Variants in MGAT4C observed in about 807,000 individuals in gnomAD.
MGAT4C encodes MGAT4 family member C, also known as alpha-1,3-mannosyl-glycoprotein 4-beta-N-acetylglucosaminyltransferase C.
A neutral mutation model predicts 40.1 loss-of-function variants in MGAT4C; 19 were observed. The observed-to-expected ratio is 0.47, with a 90% CI of 0.33 to 0.70. MGAT4C has a LOEUF of 0.70. MGAT4C is among the 30% of genes least tolerant of loss of function. The pLI, the probability that MGAT4C is intolerant of heterozygous loss-of-function variation, is 0.02. For missense variants in MGAT4C, 491 were observed against 563.2 expected, an observed-to-expected ratio of 0.87 and a Z score of 1.30; for synonymous variants, 181 against 187.1, an observed-to-expected ratio of 0.97 and a Z score of 0.27.
At chr12:86,663,216 T>C (rs1444802904) in intron 2 of MGAT4C, among the ~76,000 whole-genome samples, 1 of 151,702 alleles carries the variant, frequency 6.6e-6, no homozygotes, top group Non-Finnish European at 1.5e-5. Context: ...AAAAATTAGT[T>C]GGACACAGTA....
rs1409378910 is a variant in MGAT4C at position 86,464,684 on chromosome 12, TTTG to T, written c.-228-29422_-228-29420del. Among the ~76,000 whole-genome samples, 3 of 152,172 alleles carry T rather than the reference TTTG, an allele frequency of 2.0e-5. 1 individual carries two copies. The highest frequency in any genetic ancestry group is 7.2e-5 in the African/African-American group (3 of 41,468). Reference sequence around the variant, plus strand: ...CATTTCTTTACAAATAAGCATTTATTTTGTTTATTCAATTAGATCTTTTACAAA... The same window carrying T: ...CATTTCTTTACAAATAAGCATTTATTTTTATTCAATTAGATCTTTTACAAA... On this transcript the variant is annotated intron_variant, in intron 2 of 7. Transcript: ENST00000548651.
At chr12:86,338,969 A>AAC (rs1209040898) in intron 3 of MGAT4C, among the ~76,000 whole-genome samples, 1 of 150,956 alleles carries the variant, frequency 6.6e-6, no homozygotes, top group African/African-American at 2.4e-5. Flanking sequence ...AAAAAAAAAA[A>AAC]AAAAAAAAAA....
At chr12:86,745,470 C>T (rs768724903) in intron 1 of MGAT4C, among the ~76,000 whole-genome samples, 16 of 151,588 alleles carry the variant, frequency 1.1e-4, no homozygotes, top group South Asian at 2.1e-4. Context: ...ACTTCTTATT[C>T]TGGAGTCCAA....
intron 2 of MGAT4C, among the ~76,000 whole-genome samples, chr12:86,466,021 C>A (rs1483645795): frequency 1.3e-5 from 2 of 151,982 alleles, no homozygotes; most frequent in Non-Finnish European, 2.9e-5. Flanking sequence ...CCAGCCTGTC[C>A]AGCATGATGA....
chr12:85,971,166 A>T lies in MGAT4C; in HGVS notation c.*8123T>A, dbSNP rs1883605211. Reference sequence around the variant, plus strand: ...ATATATATATTCATAAGGATAAAAGATATCAAAATAATTAAACAAATTTCA... The same window carrying T: ...ATATATATATTCATAAGGATAAAAGTTATCAAAATAATTAAACAAATTTCA... On this transcript the variant is annotated 3_prime_UTR_variant, in exon 5 of 5. Transcript: ENST00000611864. The T allele has an allele frequency of 6.6e-6, 1 of 151,328 alleles. No individual in the cohort carries two copies. Among genetic ancestry groups the T allele is most frequent in the South Asian group, 2.1e-4 (1 of 4,830 alleles). 9.4% of individuals were successfully genotyped at this position (151,328 alleles called of 1,614,324 possible). A position where few individuals can be genotyped will look rare whatever the true frequency, so the allele number is the denominator to read the frequency against.
rs1883035736 is a variant in MGAT4C at position 85,960,182 on chromosome 12, A to G, written c.*19107T>C. The G allele has an allele frequency of 6.6e-6, 1 of 152,040 alleles. No homozygotes were observed. The highest frequency in any genetic ancestry group is 1.9e-4 in the East Asian group (1 of 5,176). 9.4% of individuals were successfully genotyped at this position (152,040 alleles called of 1,614,324 possible). On this transcript the variant is annotated 3_prime_UTR_variant, in exon 5 of 5. Transcript: ENST00000611864. ...TATGCAGACTTACAAAGGACTACCC[A>G]CTAAGAATAAAAACATGATACAACT...
chr12:86,747,961 C>T (rs550508369), intron 1 of MGAT4C, among the ~76,000 whole-genome samples: 7 of 151,472 alleles, frequency 4.6e-5, no homozygotes, highest in African/African-American at 1.7e-4. Context: ...CATAAGTTAC[C>T]CATCACAATT....
At chr12:86,425,700 A>G (rs1237822128) in intron 3 of MGAT4C, among the ~76,000 whole-genome samples, 1 of 152,182 alleles carries the variant, frequency 6.6e-6, no homozygotes, top group Non-Finnish European at 1.5e-5. Flanking sequence ...ATCTTGCACC[A>G]GCCAAAATCT....
intron 2 of MGAT4C, among the ~76,000 whole-genome samples, chr12:86,714,144 A>G (rs1167042687): frequency 6.6e-6 from 1 of 152,144 alleles, no homozygotes; most frequent in Non-Finnish European, 1.5e-5. Context: ...ATCTATTCCA[A>G]TTATGGAAAT....
At chr12:86,819,710 C>T (rs180796196) in intron 1 of MGAT4C, among the ~76,000 whole-genome samples, 282 of 150,704 alleles carry the variant, frequency 1.9e-3, no homozygotes, top group African/African-American at 6.1e-3. Context: ...AAACTTTTTT[C>T]GTATAATAAT....
chr12:86,046,615 A>C (rs1283928699), intron 2 of MGAT4C, among the ~76,000 whole-genome samples: 1 of 152,162 alleles, frequency 6.6e-6, no homozygotes, highest in Admixed American at 6.5e-5. Flanking sequence ...CATGGGGCAA[A>C]CTGTTGTAAG....
At chr12:86,043,893 T>G (rs1203193753) in intron 2 of MGAT4C, among the ~76,000 whole-genome samples, 1 of 152,236 alleles carries the variant, frequency 6.6e-6, no homozygotes, top group Non-Finnish European at 1.5e-5. Flanking sequence ...TTCAGCCTTG[T>G]TAAGAACCAT....
Position 85,969,636 on chromosome 12 carries a change from T to G in MGAT4C, c.*9653A>C, listed in dbSNP as rs2136656711. 6.6e-6 allele frequency: 1 copy of G among 151,722 alleles called. No homozygotes were observed. Among genetic ancestry groups the G allele is most frequent in the East Asian group, 1.9e-4 (1 of 5,184 alleles). 9.4% of individuals were successfully genotyped at this position (151,722 alleles called of 1,614,324 possible). On this transcript the variant is annotated 3_prime_UTR_variant, in exon 5 of 5. Transcript: ENST00000611864. ...AATTCATTTTTCAACTATTTAATGTTATTTTAATATAGTCATATCATCCAG... is the reference window on the plus strand; with the variant it reads ...AATTCATTTTTCAACTATTTAATGTGATTTTAATATAGTCATATCATCCAG...
At chr12:86,144,054 C>T (rs1593061914) in intron 1 of MGAT4C, among the ~76,000 whole-genome samples, 1 of 152,128 alleles carries the variant, frequency 6.6e-6, no homozygotes, top group Non-Finnish European at 1.5e-5. Context: ...CGCACAAGTA[C>T]GTGGTTTGCT....
At chr12:86,745,880 A>G (rs1258761175) in intron 1 of MGAT4C, among the ~76,000 whole-genome samples, 1 of 151,712 alleles carries the variant, frequency 6.6e-6, no homozygotes, top group Non-Finnish European at 1.5e-5. Flanking sequence ...CAGCTTCAGG[A>G]ACTTAAGCCA....
intron 2 of MGAT4C, among the ~76,000 whole-genome samples, chr12:86,566,870 G>A (rs952821407): frequency 1.3e-5 from 2 of 151,108 alleles, no homozygotes; most frequent in African/African-American, 4.9e-5. Context: ...TGGAATCACA[G>A]AATGCTTTAT....
At chr12:86,704,180 G>T (rs1027099554) in intron 2 of MGAT4C, among the ~76,000 whole-genome samples, 2 of 152,042 alleles carry the variant, frequency 1.3e-5, no homozygotes, top group African/African-American at 2.4e-5. Context: ...GTATGAAAAG[G>T]TTATTATCCC....
chr12:86,385,524 C>T (rs754856170), intron 3 of MGAT4C, among the ~76,000 whole-genome samples: 2 of 152,186 alleles, frequency 1.3e-5, no homozygotes, highest in Non-Finnish European at 2.9e-5. Flanking sequence ...TCAATGCCTC[C>T]TCAGCTGTCT....
chr12:86,404,582 A>G (rs1034899892), intron 3 of MGAT4C, among the ~76,000 whole-genome samples: 2 of 152,170 alleles, frequency 1.3e-5, no homozygotes, highest in Non-Finnish European at 2.9e-5. Context: ...AGAGCTCTTT[A>G]TAACCTAGTG....
Sources: gnomAD v4.1 joint callset for allele counts (sites outside exome capture counted in the v4.1 genomes callset) on GRCh38, gnomAD v4.1.1 for gene constraint, MANE v1.5 for transcripts, NCBI Gene and HGNC (gene_info 2026-07-23, HGNC 2026-07-21) for gene names.